Variants in HERC1 observed in about 807,000 individuals in gnomAD.
The protein encoded by HERC1 is HECT and RLD domain containing E3 ubiquitin protein ligase family member 1, also known as probable E3 ubiquitin-protein ligase HERC1.
Under a neutral mutation model 554.3 loss-of-function variants are expected in HERC1, and 160 were observed. The ratio of observed to expected loss-of-function variants is 0.29; its 90% CI spans 0.25 to 0.33. The LOEUF is 0.33. Ranked by LOEUF, HERC1 falls within the 10% of genes least tolerant of loss-of-function variation. HERC1 has a pLI of 1.00. For missense variants in HERC1, 4,919 were observed against 5,918.5 expected (o/e 0.83, Z 5.54); for synonymous variants, 2,175 against 2,131.7 (o/e 1.02, Z -0.56).
intron 7 of HERC1, among the ~76,000 whole-genome samples, chr15:63,753,618 C>A (rs1419354121): frequency 6.6e-6 from 1 of 152,040 alleles, no homozygotes; most frequent in Non-Finnish European, 1.5e-5. Flanking sequence ...ATACCATTTT[C>A]ACTATTGAAA....
intron 71 of HERC1, among the ~76,000 whole-genome samples, chr15:63,624,946 CTGTG>C (rs908642153): frequency 2.0e-5 from 3 of 152,232 alleles, no homozygotes; most frequent in Non-Finnish European, 2.9e-5. Flanking sequence ...CAGTTCTCTT[CTGTG>C]TATGCACACA....
intron 1 of HERC1, among the ~76,000 whole-genome samples, chr15:63,825,847 C>T (rs963257592): frequency 4.6e-5 from 7 of 152,142 alleles, no homozygotes; most frequent in Admixed American, 2.6e-4. Flanking sequence ...ACTGCAACCT[C>T]CACCTCCTGG....
At chr15:63,783,939 G>A (rs576241027) in intron 1 of HERC1, among the ~76,000 whole-genome samples, 3 of 152,014 alleles carry the variant, frequency 2.0e-5, no homozygotes, top group South Asian at 2.1e-4. Context: ...GGTAGTGGGC[G>A]CCTGTAATCC....
At position 63,716,302 on chromosome 15, in the gene HERC1, T is replaced by A; in HGVS notation, c.4150A>T (p.Lys1384Ter). The A allele has an allele frequency of 6.2e-7, 1 of 1,612,442 alleles. No homozygotes were observed. Among genetic ancestry groups the A allele is most frequent in the Non-Finnish European group, 8.5e-7 (1 of 1,179,218 alleles). The change falls in exon 22 of 78, where the codon AAA (lysine) becomes TAA (stop). Residue 1384 changes from lysine (K) to a stop codon, truncating the protein, a stop_gained and splice_region_variant. Transcript: ENST00000443617. LOFTEE classifies it high-confidence loss of function. ...TAGAAAGTAAGAAGGGTATACTCAC[T>A]GCCAGCTGTCATCACTTCATGTTCC... is the stretch of plus-strand genomic sequence containing the variant. ...EREHEVMTAG[K>*]IFQCFLSARE...
At chr15:63,646,781 C>CA (rs2069369015) in intron 55 of HERC1, among the ~76,000 whole-genome samples, 1 of 151,450 alleles carries the variant, frequency 6.6e-6, no homozygotes. Context: ...GTACTCCAGG[C>CA]TGGGTGACAG....
chr15:63,811,943 AACTC>A (rs2077334911), intron 1 of HERC1, among the ~76,000 whole-genome samples: 1 of 152,188 alleles, frequency 6.6e-6, no homozygotes, highest in Non-Finnish European at 1.5e-5. Context: ...ATATGTAATA[AACTC>A]ATTCATTCCC....
At chr15:63,703,289 T>C (rs1422174713) in intron 25 of HERC1, among the ~76,000 whole-genome samples, 3 of 152,168 alleles carry the variant, frequency 2.0e-5, no homozygotes, top group East Asian at 3.9e-4. Flanking sequence ...GGCGCAATTG[T>C]GGTTCAACAG....
At chr15:63,690,380 T>C (rs1438833264) in intron 32 of HERC1, among the ~76,000 whole-genome samples, 161 bp downstream of exon 32, 2 of 151,992 alleles carry the variant, frequency 1.3e-5, no homozygotes, top group Non-Finnish European at 2.9e-5. Context: ...TTTTTTGCCC[T>C]CTCCTTGGGG....
intron 1 of HERC1, among the ~76,000 whole-genome samples, chr15:63,831,614 A>G (rs1223511377): frequency 6.6e-6 from 1 of 152,180 alleles, no homozygotes; most frequent in East Asian, 1.9e-4. Context: ...AAAATTTTAA[A>G]AGGTCAGCTC....
At chr15:63,700,291 T>C (rs1429530202) in intron 25 of HERC1, among the ~76,000 whole-genome samples, 5 of 152,050 alleles carry the variant, frequency 3.3e-5, no homozygotes, top group African/African-American at 1.2e-4. Flanking sequence ...CTGTATAACA[T>C]CCTATTATGT....
chr15:63,812,276 T>C (rs537087536), intron 1 of HERC1, among the ~76,000 whole-genome samples: 1 of 152,354 alleles, frequency 6.6e-6, no homozygotes, highest in Non-Finnish European at 1.5e-5. Context: ...CTTCCATCTC[T>C]TAAATCTTCA....
intron 77 of HERC1, among the ~76,000 whole-genome samples, chr15:63,611,936 G>A (rs12102137): frequency 0.47 from 71,108 of 152,134 alleles, 17,520 homozygotes; most frequent in Non-Finnish European, 0.54. Context: ...TGTAATCCCA[G>A]CACTTTGGGA....
In HERC1 at chr15:63,622,327, T is replaced by TA. The variant is rs1343536902; in HGVS notation, c.13688+487_13688+488insT. Among the ~76,000 whole-genome samples the TA allele has an allele frequency of 2.7e-3, 43 of 15,664 alleles. No individual in the cohort carries two copies. The Middle Eastern group carries it at 0.065, about 24-fold the overall frequency. 10.3% of individuals were successfully genotyped at this position (15,664 alleles called of 152,430 possible). A position where few individuals can be genotyped will look rare whatever the true frequency, so the allele number is the denominator to read the frequency against. ...AGTCTTGATGGAAGTGCCTGTTTCCTTTTTTTTTTTTTTTTTTTGAGATGT... is the reference window on the plus strand; with the variant it reads ...AGTCTTGATGGAAGTGCCTGTTTCCTATTTTTTTTTTTTTTTTTTGAGATGT... On this transcript the variant is annotated intron_variant, in intron 74 of 77. Transcript: ENST00000443617.
intron 38 of HERC1, among the ~76,000 whole-genome samples, chr15:63,673,567 C>T (rs1254804921): frequency 1.3e-5 from 2 of 152,294 alleles, no homozygotes; most frequent in East Asian, 1.9e-4. Context: ...ATTGACTGAA[C>T]GAATCTCATT....
intron 2 of HERC1, among the ~76,000 whole-genome samples, chr15:63,766,099 C>T (rs2075768010): frequency 6.6e-6 from 1 of 152,012 alleles, no homozygotes. Context: ...AAGTGATCCT[C>T]CCACCTCAGG....
At chr15:63,624,446 C>T (rs2068213682) in intron 71 of HERC1, 119 bp from the exon 72 acceptor site, 2 of 863,196 alleles carry the variant, frequency 2.3e-6, no homozygotes, top group African/African-American at 3.4e-5. Context: ...CCTGTAGTCC[C>T]AGCACTTTGG....
In HERC1 at chr15:63,744,824, G is replaced by C. The variant is rs142943641; in HGVS notation, c.2520+2094C>G. On this transcript the variant is annotated intron_variant, in intron 12 of 77. Coordinates refer to ENST00000443617, the MANE Select transcript of HERC1 (RefSeq NM_003922.4). ...CAAGTCCTGGAATCAGGGATCCCAA[G>C]AGTGTATTTGGTACTCTGTCCCTCC... Among the ~76,000 whole-genome samples, 570 of 152,294 alleles carry C rather than the reference G, an allele frequency of 3.7e-3. 2 individuals are homozygous for C. The highest frequency in any genetic ancestry group is 6.8e-3 in the Non-Finnish European group (463 of 68,034).
intron 1 of HERC1, among the ~76,000 whole-genome samples, chr15:63,793,069 T>C (rs1180086631): frequency 2.6e-5 from 4 of 152,210 alleles, no homozygotes; most frequent in African/African-American, 7.2e-5. Context: ...GGGCAGGATA[T>C]GGGGCAAGGG....
intron 1 of HERC1, among the ~76,000 whole-genome samples, chr15:63,795,808 C>G (rs761445702): frequency 6.6e-6 from 1 of 152,162 alleles, no homozygotes; most frequent in African/African-American, 2.4e-5. Flanking sequence ...GGAACGGGAC[C>G]TGACATTCTG....
Sources: gnomAD v4.1 joint callset for allele counts (sites outside exome capture counted in the v4.1 genomes callset) on GRCh38, gnomAD v4.1.1 for gene constraint, MANE v1.5 for transcripts, NCBI Gene and HGNC (gene_info 2026-07-23, HGNC 2026-07-21) for gene names.